The following FAT2 variants were observed in gnomAD, a reference collection of about 807,000 sequenced individuals.
The protein encoded by FAT2 is FAT atypical cadherin 2.
Under a neutral mutation model 295.3 loss-of-function variants are expected in FAT2, and 150 were observed. That is an observed-to-expected ratio of 0.51 (90% CI 0.44 to 0.58). The LOEUF (loss-of-function observed/expected upper bound fraction) is 0.58, where lower values mean the gene tolerates loss of function less well. Ranked by LOEUF, FAT2 falls within the 20% of genes least tolerant of loss-of-function variation. The pLI is 0.00. For synonymous variants in FAT2, 2,026 were observed against 2,150.3 expected (o/e 0.94, Z 1.60); for missense variants, 4,868 against 5,442.7 (o/e 0.89, Z 3.32).
chr5:151,538,834 A>T (rs1581379795), intron 11 of FAT2, among the ~76,000 whole-genome samples: 2 of 147,348 alleles, frequency 1.4e-5, no homozygotes, highest in Admixed American at 1.4e-4. Flanking sequence ...GTGCCACCAC[A>T]CCTGGCTAAT....
In FAT2 at chr5:151,512,872, T is replaced by G. The variant is rs1269307616; in HGVS notation, c.11464-266A>C. The G allele has an allele frequency of 4.0e-6, 2 of 494,802 alleles. No homozygotes were observed. Among genetic ancestry groups the G allele is most frequent in the Admixed American group, 3.4e-5 (1 of 29,624 alleles). 30.7% of individuals were successfully genotyped at this position (494,802 alleles called of 1,614,324 possible). On this transcript the variant is annotated intron_variant, in intron 20 of 23. Coordinates refer to ENST00000261800, the MANE Select transcript of FAT2 (RefSeq NM_001447.3). The surrounding 1 kb of genome is among the most constrained non-coding windows in gnomAD (Gnocchi z 4.1). ...AGATGAGGAAACTGAGGCCGAGAGA[T>G]GCTTTGCTGATCAAGACCCTGTATT...
chr5:151,544,987 G>T lies in FAT2; in HGVS notation c.6140C>A (p.Thr2047Lys). Residue 2047 changes from threonine (T) to lysine (K), a missense_variant, in exon 10 of 24, where the codon ACA becomes AAA. Transcript: ENST00000261800. Reference protein sequence around the residue: ...ELAVEVRDNRTPQRVAQGLVR... With the variant: ...ELAVEVRDNRKPQRVAQGLVR... ...CAAACCCTGAGCCACCCGCTGAGGT[G>T]TCCGATTGTCCCTCACTTCCACTGC... 1 of 1,614,134 alleles carries T rather than the reference G, an allele frequency of 6.2e-7. No homozygotes were observed. The highest frequency in any genetic ancestry group is 8.5e-7 in the Non-Finnish European group (1 of 1,180,034).
intron 1 of FAT2, among the ~76,000 whole-genome samples, chr5:151,572,263 A>G (rs1019017542): frequency 6.6e-5 from 10 of 152,196 alleles, no homozygotes; most frequent in Non-Finnish European, 1.3e-4. Flanking sequence ...CTGGTATAGA[A>G]CCAGGCTCAA....
At chr5:151,554,861 G>A (rs1412012787) in intron 4 of FAT2, among the ~76,000 whole-genome samples, 188 bp from the exon 5 acceptor site, 4 of 152,220 alleles carry the variant, frequency 2.6e-5, no homozygotes, top group Admixed American at 6.5e-5. Context: ...TGAGAACAGA[G>A]AAAGGAAGCA....
rs144296803 is a variant in FAT2 at position 151,566,638 on chromosome 5, A to C, written c.2294T>G (p.Ile765Arg). ...ADGNEEGCFD[I>R]ELETGLLTVA... ...AGTGAGCAGCCCTGTCTCCAGCTCTATGTCAAAGCAGCCCTCCTCATTGCC... is the reference window on the plus strand; with the variant it reads ...AGTGAGCAGCCCTGTCTCCAGCTCTCTGTCAAAGCAGCCCTCCTCATTGCC... The change falls in exon 2 of 24, where the codon ATA becomes AGA. Residue 765 changes from isoleucine to arginine, a missense_variant. By Grantham distance (97) the Ile-to-Arg change is moderately conservative (BLOSUM62 -3). This residue lies in a region of FAT2 where 3,297 missense variants were observed against 3,669.4 expected (regional missense o/e 0.90). Transcript: ENST00000261800. The C allele has an allele frequency of 6.2e-7, 1 of 1,614,174 alleles. No individual in the cohort carries two copies. Among genetic ancestry groups the C allele is most frequent in the Non-Finnish European group, 8.5e-7 (1 of 1,180,030 alleles).
At chr5:151,584,330 C>T (rs1759085975) in intron 1 of FAT2, among the ~76,000 whole-genome samples, 1 of 152,146 alleles carries the variant, frequency 6.6e-6, no homozygotes, top group Non-Finnish European at 1.5e-5. Flanking sequence ...CCACAGGGTT[C>T]CCAGGCTTAG....
intron 1 of FAT2, among the ~76,000 whole-genome samples, chr5:151,574,658 C>A (rs933289201): frequency 6.6e-6 from 1 of 152,202 alleles, no homozygotes; most frequent in African/African-American, 2.4e-5. Flanking sequence ...AAGGGATTTT[C>A]GCATTCAAGT....
rs1480159731 is a variant in FAT2, at chr5:151,591,284, G to A, written c.-140C>T. On this transcript the variant is annotated 5_prime_UTR_variant, in exon 1 of 24. Coordinates refer to ENST00000261800, the MANE Select transcript of FAT2 (RefSeq NM_001447.3). ...GCAGAGACTCGGAGCAGGAAGGCGC[G>A]CAGCCCGCAGCCGGAGAGGCTGCTG... Among the ~76,000 whole-genome samples, 3 of 152,210 alleles carry A rather than the reference G, an allele frequency of 2.0e-5. No homozygotes were observed. The highest frequency in any genetic ancestry group is 6.5e-5 in the Admixed American group (1 of 15,284).
At position 151,584,294 on chromosome 5, in the gene FAT2, C is replaced by T. The variant is rs144190702; in HGVS notation, c.-21+6871G>A. Among the ~76,000 whole-genome samples, 28 of 152,228 alleles carry T rather than the reference C, an allele frequency of 1.8e-4. No homozygotes were observed. The East Asian group carries it at 3.7e-3, about 20-fold the overall frequency. ...CCTGCCCGGCCTGCCCACACAGAAC[C>T]GCGAGGACAATGGCAAGCCCACTTT... On this transcript the variant is annotated intron_variant, in intron 1 of 23. Coordinates refer to ENST00000261800, the MANE Select transcript of FAT2 (RefSeq NM_001447.3).
In FAT2 at chr5:151,566,115, G is replaced by C. The variant is rs780316087; in HGVS notation, c.2817C>G (p.Pro939=). 6.2e-7 allele frequency: 1 copy of C among 1,614,150 alleles called. No individual in the cohort carries two copies. Among genetic ancestry groups the C allele is most frequent in the Non-Finnish European group, 8.5e-7 (1 of 1,180,026 alleles). Residue 939 remains proline, a synonymous_variant, in exon 2 of 24, where the codon CCC becomes CCG. Coordinates refer to ENST00000261800, the MANE Select transcript of FAT2 (RefSeq NM_001447.3). Reference sequence around the variant, plus strand: ...CCAGAAATGTCAAGACAGTCCCGGGGGGCAGGTCCTCTGGAACCTTCAGCC... The same window carrying C: ...CCAGAAATGTCAAGACAGTCCCGGGCGGCAGGTCCTCTGGAACCTTCAGCC... ...HNRLKVPEDL[P]PGTVLTFLDA...
chr5:151,531,008 C>G lies in FAT2; in HGVS notation c.9811+579G>C, dbSNP rs1028847901. On this transcript the variant is annotated intron_variant, in intron 14 of 23. Coordinates refer to ENST00000261800, the MANE Select transcript of FAT2 (RefSeq NM_001447.3). The surrounding 1 kb of genome is among the most constrained non-coding windows in gnomAD (Gnocchi z 5.7). ...CATGGGGAGGAATCTGTGTGAGACA[C>G]AGGCTGACCTGGGTGGCCTCTGAGG... Among the ~76,000 whole-genome samples the G allele has an allele frequency of 1.3e-5, 2 of 152,184 alleles. No individual in the cohort carries two copies. The highest frequency in any genetic ancestry group is 4.8e-5 in the African/African-American group (2 of 41,440).
intron 1 of FAT2, among the ~76,000 whole-genome samples, chr5:151,585,154 A>G (rs1192224979): frequency 6.6e-6 from 1 of 152,248 alleles, no homozygotes; most frequent in Non-Finnish European, 1.5e-5. Flanking sequence ...CTAAAGAAGG[A>G]GTGATGTGGC....
Position 151,543,059 on chromosome 5 carries a change from T to C in FAT2, c.8068A>G (p.Lys2690Glu). Residue 2690 changes from lysine to glutamate, a missense_variant, in exon 10 of 24, where the codon AAA becomes GAA. By Grantham distance (56) the Lys-to-Glu change is moderately conservative. Coordinates refer to ENST00000261800, the MANE Select transcript of FAT2 (RefSeq NM_001447.3). ...QVVPKKVSLP[K>E]FSEPLYTFSA... ...AAAGTATACAAAGGTTCAGAAAATT[T>C]CGGTAAGGATACTTTTTTAGGAACC... The C allele has an allele frequency of 1.2e-6, 2 of 1,614,182 alleles. No individual in the cohort carries two copies. The highest frequency in any genetic ancestry group is 8.5e-7 in the Non-Finnish European group (1 of 1,180,032).
chr5:151,543,403 A>G lies in FAT2; in HGVS notation c.7724T>C (p.Leu2575Pro). Reference protein sequence around the residue: ...RVAFCTVKIILTDENDNPPQF... With the variant: ...RVAFCTVKIIPTDENDNPPQF... ...TGGGGGGTTGTCATTTTCATCTGTG[A>G]GGATGATCTTCACCGTGCAGAAGGC... The change falls in exon 10 of 24, where the codon CTC (leucine) becomes CCC (proline). Residue 2575 changes from leucine to proline, a missense_variant. This residue lies in a region of FAT2 where 3,297 missense variants were observed against 3,669.4 expected (regional missense o/e 0.90). Coordinates refer to ENST00000261800, the MANE Select transcript of FAT2 (RefSeq NM_001447.3). 6.2e-7 allele frequency: 1 copy of G among 1,614,122 alleles called. No individual in the cohort carries two copies. Among genetic ancestry groups the G allele is most frequent in the Non-Finnish European group, 8.5e-7 (1 of 1,180,026 alleles).
rs756787805 is a variant in FAT2 at position 151,525,881 on chromosome 5, G to A, written c.10393C>T (p.Arg3465Ter). 12 of 1,614,150 alleles carry A rather than the reference G, an allele frequency of 7.4e-6. No individual in the cohort carries two copies. Among genetic ancestry groups the A allele is most frequent in the Admixed American group, 1.7e-5 (1 of 60,020 alleles). Reference sequence around the variant, plus strand: ...GAGCCGTTGTTCCCCTTGGTGATTCGAAACGAGTAGGGGGGGCCATTCTCT... The same window carrying A: ...GAGCCGTTGTTCCCCTTGGTGATTCAAAACGAGTAGGGGGGGCCATTCTCT... ...SPENGPPYSF[R>*]ITKGNNGSAF... is the part of the protein sequence containing the mutation. The change falls in exon 18 of 24, where the codon CGA becomes TGA. Residue 3465 changes from arginine to a stop codon, truncating the protein, a stop_gained. Transcript: ENST00000261800. LOFTEE classifies it high-confidence loss of function.
rs1488159901 is a variant in FAT2, at chr5:151,550,570, A to G, written c.4578+20T>C. The G allele has an allele frequency of 1.9e-6, 3 of 1,613,204 alleles. No homozygotes were observed. Among genetic ancestry groups the G allele is most frequent in the Non-Finnish European group, 2.5e-6 (3 of 1,179,572 alleles). On this transcript the variant is annotated intron_variant, in intron 8 of 23. Transcript: ENST00000261800. ...ATCTACATGCAAACGTATTCTCACC[A>G]GATTTTTCCATTTACTCACCATGAC...
Position 151,543,836 on chromosome 5 carries a change from T to C in FAT2, c.7291A>G (p.Ser2431Gly). Residue 2431 changes from serine to glycine, a missense_variant, in exon 10 of 24, where the codon AGC (serine) becomes GGC (glycine). Transcript: ENST00000261800. ...GNQDRHFFIN[S>G]SSGIISMFNL... ...AACATAGAAATTATTCCCGATGAGC[T>C]GTTAATGAAGAAGTGCCTGTCCTGA... is the stretch of plus-strand genomic sequence containing the variant. 1.9e-6 allele frequency: 3 copies of C among 1,614,078 alleles called. No homozygotes were observed. The highest frequency in any genetic ancestry group is 2.5e-6 in the Non-Finnish European group (3 of 1,180,000).
In FAT2 at chr5:151,550,617, C is replaced by A. The variant is rs1165863644; in HGVS notation, c.4551G>T (p.Gly1517=). 1 of 1,614,144 alleles carries A rather than the reference C, an allele frequency of 6.2e-7. No homozygotes were observed. Among genetic ancestry groups the A allele is most frequent in the South Asian group, 1.1e-5 (1 of 91,080 alleles). ...VTVGKLDLGS[G]PSQHTLTVMV... is the part of the protein sequence containing the mutation. ...TGACTGTCAGTGTGTGCTGGGAGGG[C>A]CCCGAGCCGAGGTCCAATTTTCCCA... The change falls in exon 8 of 24, where the codon GGG becomes GGT. Residue 1517 remains glycine, a synonymous_variant. Transcript: ENST00000261800.
At chr5:151,586,907 G>A (rs769768014) in intron 1 of FAT2, among the ~76,000 whole-genome samples, 1 of 152,270 alleles carries the variant, frequency 6.6e-6, no homozygotes, top group Non-Finnish European at 1.5e-5. Flanking sequence ...TTGGGAGGTC[G>A]AGGCAGGCAG....
Sources: gnomAD v4.1 joint callset for allele counts (sites outside exome capture counted in the v4.1 genomes callset) on GRCh38, gnomAD v4.1.1 for gene constraint, gnomAD v4.1.1 regional missense constraint, Gnocchi (gnomAD v3.1) non-coding constraint, MANE v1.5 for transcripts, NCBI Gene and HGNC (gene_info 2026-07-23, HGNC 2026-07-21) for gene names.